Variants in DNAH5 observed in about 807,000 individuals in gnomAD.
The protein encoded by DNAH5 is dynein axonemal heavy chain 5.
In DNAH5, 372 loss-of-function variants were observed where a neutral mutation model predicts 518.2. The observed-to-expected ratio is 0.72, with a 90% CI of 0.66 to 0.78. The LOEUF is 0.78. Among genes scored for constraint, DNAH5 ranks in the 30% least tolerant of loss-of-function variants. The probability of loss-of-function intolerance (pLI) is 0.00; values close to 1 mark genes in which losing one functional copy is unlikely to be tolerated. For synonymous variants in DNAH5, 2,039 were observed against 2,025.9 expected (o/e 1.01, Z -0.17); for missense variants, 5,523 against 5,687.0 (o/e 0.97, Z 0.93).
At chr5:13,728,879 T>C (rs570420413) in intron 69 of DNAH5, among the ~76,000 whole-genome samples, 143 of 152,268 alleles carry the variant, frequency 9.4e-4, no homozygotes, top group Non-Finnish European at 1.7e-3. Flanking sequence ...TTCCAGAACA[T>C]GCAAAGTTCA....
chr5:13,984,647 A>G (rs1782908156), intron 1 of DNAH5, among the ~76,000 whole-genome samples: 2 of 152,202 alleles, frequency 1.3e-5, no homozygotes, highest in South Asian at 2.1e-4. Context: ...CCCATTCAGT[A>G]TGATATTGGC....
At chr5:13,788,444 C>A (rs1044773746) in intron 51 of DNAH5, among the ~76,000 whole-genome samples, 3 of 152,162 alleles carry the variant, frequency 2.0e-5, no homozygotes, top group Non-Finnish European at 4.4e-5. Flanking sequence ...TGCCAGACTG[C>A]AAGTCCTGTG....
intron 61 of DNAH5, among the ~76,000 whole-genome samples, chr5:13,757,856 T>C (rs1399178029): frequency 6.6e-6 from 1 of 152,168 alleles, no homozygotes; most frequent in Non-Finnish European, 1.5e-5. Flanking sequence ...GAAACTGAAA[T>C]GTTTATCTAA....
intron 47 of DNAH5, among the ~76,000 whole-genome samples, chr5:13,807,356 T>C (rs747936394): frequency 3.9e-5 from 6 of 152,222 alleles, no homozygotes; most frequent in African/African-American, 7.2e-5. Flanking sequence ...TTAAACCGCA[T>C]TGAGGCCTAT....
At chr5:13,902,505 G>T (rs1774770509) in intron 12 of DNAH5, among the ~76,000 whole-genome samples, 1 of 152,176 alleles carries the variant, frequency 6.6e-6, no homozygotes. Context: ...CATGCAAAGG[G>T]AATTGATTCA....
intron 1 of DNAH5, among the ~76,000 whole-genome samples, chr5:13,976,095 C>T (rs12656639): frequency 0.073 from 11,147 of 152,200 alleles, 493 homozygotes; most frequent in East Asian, 0.12. Context: ...CATTGAAGTC[C>T]AAGTCCAAGA....
chr5:13,956,919 C>T (rs184140142), intron 1 of DNAH5, among the ~76,000 whole-genome samples: 5 of 152,280 alleles, frequency 3.3e-5, no homozygotes, highest in Admixed American at 3.3e-4. Flanking sequence ...ATTGTTGTTG[C>T]AATTTTATTT....
intron 16 of DNAH5, 54 bp downstream of exon 16, chr5:13,894,596 G>GT (rs1194417937): frequency 6.4e-7 from 1 of 1,560,354 alleles, no homozygotes; most frequent in Non-Finnish European, 8.8e-7. Flanking sequence ...TTCAACAGAT[G>GT]TTAGGAACTC....
chr5:13,807,014 G>T (rs893729043), intron 47 of DNAH5, among the ~76,000 whole-genome samples: 2 of 152,168 alleles, frequency 1.3e-5, no homozygotes, highest in African/African-American at 4.8e-5. Flanking sequence ...GACTGAAAGA[G>T]AATTCAACTT....
At chr5:13,723,718 T>C (rs897241035) in intron 70 of DNAH5, among the ~76,000 whole-genome samples, 7 of 152,346 alleles carry the variant, frequency 4.6e-5, no homozygotes, top group Non-Finnish European at 8.8e-5. Context: ...TCTTCACTTA[T>C]CACAAAATAT....
chr5:13,696,274 C>A (rs1223551862), intron 78 of DNAH5, among the ~76,000 whole-genome samples: 1 of 152,184 alleles, frequency 6.6e-6, no homozygotes, highest in East Asian at 1.9e-4. Flanking sequence ...CATCAATCTG[C>A]TCATATAATA....
intron 5 of DNAH5, among the ~76,000 whole-genome samples, chr5:13,921,243 A>G (rs567072989): frequency 1.3e-5 from 2 of 152,034 alleles, no homozygotes; most frequent in South Asian, 4.2e-4. Context: ...TAACTCCCCC[A>G]TTCCACATCC....
chr5:13,887,442 G>T (rs78804151), intron 17 of DNAH5, among the ~76,000 whole-genome samples: 2,318 of 152,194 alleles, frequency 0.015, 58 homozygotes, highest in African/African-American at 0.053. Flanking sequence ...TATCCCCCAG[G>T]ACAAATAAAA....
intron 1 of DNAH5, among the ~76,000 whole-genome samples, chr5:13,952,369 G>T (rs1405260612): frequency 6.6e-6 from 1 of 152,186 alleles, no homozygotes; most frequent in Non-Finnish European, 1.5e-5. Context: ...TGCAAAGAAA[G>T]TTCTGTCTCT....
At chr5:13,868,882 T>C (rs571672383) in intron 24 of DNAH5, among the ~76,000 whole-genome samples, 9 of 152,148 alleles carry the variant, frequency 5.9e-5, no homozygotes, top group Non-Finnish European at 1.0e-4. Flanking sequence ...TCTGGGGGTA[T>C]GAAAGGGAGG....
intron 1 of DNAH5, among the ~76,000 whole-genome samples, chr5:13,976,710 T>TATATATATACACAC (rs780402172): frequency 7.5e-6 from 1 of 133,072 alleles, no homozygotes; most frequent in African/African-American, 3.0e-5. Flanking sequence ...TATATATATA[T>TATATATATACACAC]ACACACACAC....
Position 13,737,453 on chromosome 5 carries a change from C to A in DNAH5, c.11254G>T (p.Ala3752Ser), listed in dbSNP as rs189762457. 2 of 1,614,068 alleles carry A rather than the reference C, an allele frequency of 1.2e-6. No homozygotes were observed. The highest frequency in any genetic ancestry group is 1.3e-5 in the African/African-American group (1 of 75,052). Residue 3752 changes from alanine to serine, a missense_variant, in exon 66 of 79, where the codon GCA (alanine) becomes TCA (serine). Physicochemically the swap from Ala to Ser is moderately conservative, Grantham distance 99. Transcript: ENST00000265104. ...AGTTCCTTCATCCTTCTTTTGTTTG[C>A]AGTTACATCTTCCATCAGATGAGTT... is the stretch of plus-strand genomic sequence containing the variant. ...ERTHLMEDVT[A>S]NKRRMKELED...
At position 13,894,778 on chromosome 5, in the gene DNAH5, G is replaced by C; in HGVS notation, c.2303C>G (p.Ala768Gly). 6.2e-7 allele frequency: 1 copy of C among 1,614,096 alleles called. No homozygotes were observed. The highest frequency in any genetic ancestry group is 1.1e-5 in the South Asian group (1 of 91,074). The change falls in exon 16 of 79, where the codon GCT becomes GGT. Residue 768 changes from alanine (A) to glycine (G), a missense_variant. This residue lies in a region of DNAH5 where 5,121 missense variants were observed against 5,223.3 expected (regional missense o/e 0.98). Coordinates refer to ENST00000265104, the MANE Select transcript of DNAH5 (RefSeq NM_001369.3). ...EYQRVKSKIP[A>G]AIEQLIVPHL... ...AGGGACAATCAATTGCTCAATGGCAGCAGGTATTTTTGACTTCACTCTCTG... is the reference window on the plus strand; with the variant it reads ...AGGGACAATCAATTGCTCAATGGCACCAGGTATTTTTGACTTCACTCTCTG...
intron 16 of DNAH5, among the ~76,000 whole-genome samples, chr5:13,892,205 C>T (rs1580771567): frequency 6.6e-6 from 1 of 152,198 alleles, no homozygotes; most frequent in South Asian, 2.1e-4. Flanking sequence ...AACACTTTCA[C>T]TTAAGTATGT....
Sources: allele counts gnomAD v4.1 joint callset (sites outside exome capture counted in the v4.1 genomes callset), GRCh38; gene constraint gnomAD v4.1.1; regional missense constraint gnomAD v4.1.1; transcripts MANE v1.5; gene names NCBI Gene and HGNC (gene_info 2026-07-23, HGNC 2026-07-21).